SEMA4A: variants seen among roughly 807,000 people sequenced by gnomAD.
The protein encoded by SEMA4A is semaphorin 4A, also known as semaphorin-4A.
A neutral mutation model predicts 72.5 loss-of-function variants in SEMA4A; 52 were observed. The ratio of observed to expected loss-of-function variants is 0.72; its 90% confidence interval spans 0.57 to 0.90. The LOEUF is 0.90. Among genes scored for constraint, SEMA4A ranks in the 40% least tolerant of loss-of-function variants. The pLI, the probability that SEMA4A is intolerant of heterozygous loss-of-function variation, is 0.00. For synonymous variants in SEMA4A, 369 were observed against 393.1 expected, an observed-to-expected ratio of 0.94 and a Z score of 0.73; for missense variants, 926 against 959.7, an observed-to-expected ratio of 0.96 and a Z score of 0.46.
chr1:156,174,573 G>A (rs1655122477), intron 11 of SEMA4A, among the ~76,000 whole-genome samples: 1 of 152,174 alleles, frequency 6.6e-6, no homozygotes, highest in Non-Finnish European at 1.5e-5. Flanking sequence ...TGGAGAAATA[G>A]CTGGGTTTCT....
Position 156,176,596 on chromosome 1 carries a change from A to C in SEMA4A, c.1885A>C (p.Asn629His). The part of the protein sequence containing the change: ...GGLYQCWATE[N>H]GFSYPVISYW... ...TCTCTACCAGTGCTGGGCAACTGAG[A>C]ATGGCTTTTCATACCCTGTGATCTC... is the stretch of plus-strand genomic sequence containing the variant. The change falls in exon 15 of 15, where the codon AAT becomes CAT. Residue 629 changes from asparagine to histidine, a missense_variant. Transcript: ENST00000368285. The C allele has an allele frequency of 6.2e-7, 1 of 1,614,140 alleles. No individual in the cohort carries two copies. Among genetic ancestry groups the C allele is most frequent in the Non-Finnish European group, 8.5e-7 (1 of 1,180,008 alleles).
upstream of SEMA4A, among the ~76,000 whole-genome samples, chr1:156,149,462 C>T (rs981279464): frequency 3.3e-5 from 5 of 152,204 alleles, no homozygotes; most frequent in African/African-American, 1.2e-4. Flanking sequence ...AGAACCTGAA[C>T]CTGGCAGTGG....
intron 11 of SEMA4A, among the ~76,000 whole-genome samples, chr1:156,174,080 C>T (rs1655069411): frequency 6.6e-6 from 1 of 151,868 alleles, no homozygotes; most frequent in Non-Finnish European, 1.5e-5. Flanking sequence ...CACTGCCCTC[C>T]AGCCTGGGTG....
At chr1:156,159,021 G>T in intron 6 of SEMA4A, 197 bp downstream of exon 6, 3 of 446,172 alleles carry the variant, frequency 6.7e-6, no homozygotes, top group East Asian at 3.9e-5. Flanking sequence ...GCAACACAGC[G>T]AGATCGTCTC....
At chr1:156,152,633 G>A (rs1652634406), upstream of SEMA4A, among the ~76,000 whole-genome samples, 1 of 152,120 alleles carries the variant, frequency 6.6e-6, no homozygotes. Flanking sequence ...CCAACCCCCG[G>A]GGAAACTGAG....
intron 14 of SEMA4A, 72 bp from the exon 15 acceptor site, chr1:156,176,333 G>T: frequency 8.4e-7 from 1 of 1,183,610 alleles, no homozygotes. Flanking sequence ...TCCAAAGATA[G>T]GTTAGAGACT....
chr1:156,176,357 A>T lies in SEMA4A; in HGVS notation c.1694-48A>T, dbSNP rs761982852. 6.5e-6 allele frequency: 9 copies of T among 1,393,958 alleles called. No homozygotes were observed. In the South Asian group the frequency reaches 1.1e-4, roughly 17 times the overall value. The allele number at this position is 1,393,958 out of a possible 1,614,324, so 86.3% of individuals were successfully genotyped here. On this transcript the variant is annotated intron_variant, in intron 14 of 14. Coordinates refer to ENST00000368285, the MANE Select transcript of SEMA4A (RefSeq NM_022367.4). The stretch of plus-strand genomic sequence containing the variant: ...AGGTTAGAGACTCTCTCCTGTCTCC[A>T]TCCTTCACTTCTCCCTTAACCCTTT...
At chr1:156,176,278 A>G in intron 14 of SEMA4A, 127 bp from the exon 15 acceptor site, 1 of 735,358 alleles carries the variant, frequency 1.4e-6, no homozygotes, top group South Asian at 1.7e-5. Context: ...CCTGGGCAAT[A>G]GAGCCAGAAC....
chr1:156,177,064 G>C lies in SEMA4A; in HGVS notation c.*67G>C. On this transcript the variant is annotated 3_prime_UTR_variant, in exon 15 of 15. Transcript: ENST00000368285. The stretch of plus-strand genomic sequence containing the variant: ...ATGCTGGCTGGGCGGCCCAAGCACA[G>C]CCCTGACTAGGATGACAGCAGCACA... 7.2e-7 allele frequency: 1 copy of C among 1,381,014 alleles called. No homozygotes were observed. The highest frequency in any genetic ancestry group is 1.2e-5 in the South Asian group (1 of 85,568). 85.5% of individuals were successfully genotyped at this position (1,381,014 alleles called of 1,614,324 possible). A position where few individuals can be genotyped will look rare whatever the true frequency, so the allele number is the denominator to read the frequency against.
chr1:156,163,180 A>G (rs1653836943), intron 10 of SEMA4A, 86 bp downstream of exon 10: 3 of 1,474,162 alleles, frequency 2.0e-6, no homozygotes, highest in Non-Finnish European at 2.8e-6. Flanking sequence ...TAAATGCCCA[A>G]TAAATGTTAG....
At chr1:156,175,337 G>T in intron 13 of SEMA4A, 94 bp downstream of exon 13, 1 of 1,441,856 alleles carries the variant, frequency 6.9e-7, no homozygotes, top group South Asian at 1.2e-5. Context: ...AGGGGCTACT[G>T]ACATATTCAC....
rs531400191 is a variant in SEMA4A, at chr1:156,160,438, C to G, written c.569-5C>G. 60 of 1,608,908 alleles carry G rather than the reference C, an allele frequency of 3.7e-5. No individual in the cohort carries two copies. In the South Asian group the frequency reaches 5.5e-4, roughly 15 times the overall value. ...AGTTCTCTCTTCTCCTCTCCTCCACCCTAGATGGGATGCTCTATTCTGGTA... is the reference window on the plus strand; with the variant it reads ...AGTTCTCTCTTCTCCTCTCCTCCACGCTAGATGGGATGCTCTATTCTGGTA... On this transcript the variant is annotated splice_polypyrimidine_tract_variant and splice_region_variant and intron_variant, in intron 6 of 14. Transcript: ENST00000368285.
chr1:156,162,216 G>A (rs977838423), intron 9 of SEMA4A, among the ~76,000 whole-genome samples: 2 of 152,182 alleles, frequency 1.3e-5, no homozygotes, highest in Non-Finnish European at 2.9e-5. Context: ...AGCCAAGATC[G>A]CACCACTGCA....
At position 156,161,460 on chromosome 1, in the gene SEMA4A, C is replaced by T. The variant is rs375190738; in HGVS notation, c.925C>T (p.Leu309=). The T allele has an allele frequency of 1.9e-6, 3 of 1,613,954 alleles. No homozygotes were observed. Among genetic ancestry groups the T allele is most frequent in the Non-Finnish European group, 2.5e-6 (3 of 1,179,998 alleles). ...LPFNVIRHAV[L]LPADSPTAPH... is the part of the protein sequence containing the mutation. ...CTTCAACGTCATCCGCCACGCGGTC[C>T]TGCTCCCCGCCGATTCTCCCACAGC... The change falls in exon 9 of 15, where the codon CTG becomes TTG. Residue 309 remains leucine (L), a synonymous_variant. Coordinates refer to ENST00000368285, the MANE Select transcript of SEMA4A (RefSeq NM_022367.4).
At chr1:156,165,681 A>T (rs1300973688) in intron 10 of SEMA4A, among the ~76,000 whole-genome samples, 1 of 150,156 alleles carries the variant, frequency 6.7e-6, no homozygotes, top group Non-Finnish European at 1.5e-5. Flanking sequence ...TTTAATACTG[A>T]TCCTTGTGGA....
chr1:156,154,671 G>T lies in SEMA4A; in HGVS notation c.93G>T (p.Ala31=), dbSNP rs769429823. The part of the protein sequence containing the change: ...LLQLLLPTTT[A]GGGGQGPMPR... ...AGCTGCTGCTGCCGACGACGACCGC[G>T]GGGGGAGGCGGGCAGGGGCCCATGC... The change falls in exon 2 of 15, where the codon GCG becomes GCT. Residue 31 remains alanine, a synonymous_variant. Coordinates refer to ENST00000368285, the MANE Select transcript of SEMA4A (RefSeq NM_022367.4). The T allele has an allele frequency of 1.9e-6, 3 of 1,598,708 alleles. No homozygotes were observed. Among genetic ancestry groups the T allele is most frequent in the Non-Finnish European group, 2.6e-6 (3 of 1,173,334 alleles).
chr1:156,150,462 G>A (rs1652444492), upstream of SEMA4A, among the ~76,000 whole-genome samples: 1 of 152,130 alleles, frequency 6.6e-6, no homozygotes, highest in Non-Finnish European at 1.5e-5. Flanking sequence ...GCCAGGGCAG[G>A]TGGAGCTAAG....
At chr1:156,152,382 C>T (rs963798676), upstream of SEMA4A, among the ~76,000 whole-genome samples, 8 of 152,062 alleles carry the variant, frequency 5.3e-5, no homozygotes, top group African/African-American at 1.9e-4. Context: ...CTCCCCGTAT[C>T]AGAACTCTTC....
Position 156,160,503 on chromosome 1 carries a change from G to A in SEMA4A, c.629G>A (p.Arg210His), listed in dbSNP as rs1572397940. The change falls in exon 7 of 15, where the codon CGC becomes CAC. Residue 210 changes from arginine (R) to histidine (H), a missense_variant. By Grantham distance (29) the Arg-to-His change is conservative (BLOSUM62 0). Transcript: ENST00000368285. Reference sequence around the variant, plus strand: ...CTGGGCAGTGAGCCCATCCTGATGCGCACACTGGGATCCCAGCCTGTCCTC... The same window carrying A: ...CTGGGCAGTGAGCCCATCCTGATGCACACACTGGGATCCCAGCCTGTCCTC... ...NFLGSEPILM[R>H]TLGSQPVLKT... The A allele has an allele frequency of 1.2e-6, 2 of 1,614,050 alleles. No individual in the cohort carries two copies. Among genetic ancestry groups the A allele is most frequent in the Non-Finnish European group, 1.7e-6 (2 of 1,180,002 alleles).
Sources: allele counts gnomAD v4.1 joint callset (sites outside exome capture counted in the v4.1 genomes callset), GRCh38; gene constraint gnomAD v4.1.1; transcripts MANE v1.5; gene names NCBI Gene and HGNC (gene_info 2026-07-23, HGNC 2026-07-21).